Variants in RABGGTB observed in about 807,000 individuals in gnomAD.
RABGGTB encodes geranylgeranyl transferase type-2 subunit beta.
Under a neutral mutation model 44.5 loss-of-function variants are expected in RABGGTB, and 20 were observed. The observed-to-expected ratio is 0.45, with a 90% confidence interval of 0.32 to 0.65. The LOEUF is 0.65. Ranked by LOEUF, RABGGTB falls within the 30% of genes least tolerant of loss-of-function variation. RABGGTB has a pLI of 0.05. For missense variants in RABGGTB, 302 were observed against 398.7 expected, an observed-to-expected ratio of 0.76 and a Z score of 2.06; for synonymous variants, 128 against 136.7, an observed-to-expected ratio of 0.94 and a Z score of 0.44.
In RABGGTB at chr1:75,794,511, T is replaced by C. The variant is rs1189473770; in HGVS notation, c.857T>C (p.Val286Ala). The C allele has an allele frequency of 1.2e-6, 2 of 1,609,826 alleles. No homozygotes were observed. Among genetic ancestry groups the C allele is most frequent in the East Asian group, 4.5e-5 (2 of 44,820 alleles). ...GTATATAAATTCTTTTTTAAATAGG[T>C]GGATCCTTTTCATACCTTATTTGGA... ...GGFADRPGDM[V>A]DPFHTLFGIA... The change falls in exon 9 of 9, where the codon GTG becomes GCG. Residue 286 changes from valine (V) to alanine (A), a missense_variant and splice_region_variant. Around this residue, in one of 2 missense-constraint regions of RABGGTB, gnomAD observed 213 missense variants for 323.7 expected, o/e 0.66. Coordinates refer to ENST00000319942, the MANE Select transcript of RABGGTB (RefSeq NM_004582.4).
intron 1 of RABGGTB, 35 bp from the exon 2 acceptor site, chr1:75,787,462 T>G (rs766943423): frequency 1.3e-6 from 2 of 1,483,550 alleles, no homozygotes; most frequent in Non-Finnish European, 9.4e-7. Context: ...GTTGTAGAGG[T>G]AAACATTGAT....
At chr1:75,788,544 G>C (rs916103826) in intron 2 of RABGGTB, 2 of 153,744 alleles carry the variant, frequency 1.3e-5, no homozygotes, top group Non-Finnish European at 2.9e-5. Flanking sequence ...GCCTGCCCCA[G>C]CTTTCCAAAG....
Position 75,786,287 on chromosome 1 carries a change from T to G in RABGGTB, c.3+13T>G, listed in dbSNP as rs753589064. 5 of 1,614,146 alleles carry G rather than the reference T, an allele frequency of 3.1e-6. No homozygotes were observed. The highest frequency in any genetic ancestry group is 1.7e-5 in the Admixed American group (1 of 60,030). On this transcript the variant is annotated intron_variant, in intron 1 of 8. Transcript: ENST00000319942. ...CCTGTTAGACATGGTAAGTGTGAGT[T>G]TAGCGCTGCTGTCCGGATGGGTTGG... is the stretch of plus-strand genomic sequence containing the variant.
At chr1:75,792,426 G>C in intron 7 of RABGGTB, 120 bp downstream of exon 7, 1 of 1,382,328 alleles carries the variant, frequency 7.2e-7, no homozygotes, top group Non-Finnish European at 9.8e-7. Context: ...TTTCCCTGTT[G>C]TGAATTTTCA....
In RABGGTB at chr1:75,786,281, G is replaced by T; in HGVS notation, c.3+7G>T. 2 of 1,614,250 alleles carry T rather than the reference G, an allele frequency of 1.2e-6. No individual in the cohort carries two copies. Among genetic ancestry groups the T allele is most frequent in the Non-Finnish European group, 1.7e-6 (2 of 1,180,040 alleles). ...CCTTTCCCTGTTAGACATGGTAAGTGTGAGTTTAGCGCTGCTGTCCGGATG... is the reference window on the plus strand; with the variant it reads ...CCTTTCCCTGTTAGACATGGTAAGTTTGAGTTTAGCGCTGCTGTCCGGATG... On this transcript the variant is annotated splice_region_variant and intron_variant, in intron 1 of 8. Coordinates refer to ENST00000319942, the MANE Select transcript of RABGGTB (RefSeq NM_004582.4).
chr1:75,787,632 GTTTAT>G (rs1649531804), intron 2 of RABGGTB, 28 bp downstream of exon 2: 1 of 1,552,770 alleles, frequency 6.4e-7, no homozygotes, highest in Admixed American at 1.7e-5. Context: ...ATGTTGGAAA[GTTTAT>G]TTTAAAGAAG....
intron 4 of RABGGTB, among the ~76,000 whole-genome samples, chr1:75,790,993 T>G (rs1018439985): frequency 6.6e-6 from 1 of 152,196 alleles, no homozygotes; most frequent in Admixed American, 6.5e-5. Flanking sequence ...TCCCATTATG[T>G]TGCCTCGGCT....
intron 2 of RABGGTB, chr1:75,788,097 A>T (rs1312679913): frequency 8.6e-6 from 3 of 348,602 alleles, no homozygotes; most frequent in Non-Finnish European, 1.7e-5. Flanking sequence ...CAGTTGTCTT[A>T]GTCTACCGAT....
chr1:75,793,213 C>T (rs944658042), intron 7 of RABGGTB, among the ~76,000 whole-genome samples: 1 of 152,126 alleles, frequency 6.6e-6, no homozygotes, highest in Non-Finnish European at 1.5e-5. Context: ...CTGAATGGGA[C>T]GTGGTGGTAC....
chr1:75,794,579 G>A lies in RABGGTB; in HGVS notation c.925G>A (p.Val309Ile), dbSNP rs1649723509. ...TTTGGGAGAAGAACAGATTAAACCT[G>A]TTAATCCTGTCTTTTGCATGCCTGA... ...SLLGEEQIKP[V>I]NPVFCMPEEV... Residue 309 changes from valine (V) to isoleucine (I), a missense_variant, in exon 9 of 9, where the codon GTT becomes ATT. Transcript: ENST00000319942. The A allele has an allele frequency of 6.2e-7, 1 of 1,612,928 alleles. No individual in the cohort carries two copies. Among genetic ancestry groups the A allele is most frequent in the Non-Finnish European group, 8.5e-7 (1 of 1,179,308 alleles).
intron 2 of RABGGTB, 133 bp downstream of exon 2, chr1:75,787,737 A>G (rs1649535124): frequency 2.7e-6 from 2 of 741,362 alleles, no homozygotes; most frequent in Non-Finnish European, 4.6e-6. Flanking sequence ...GTGCCTTTGA[A>G]CTTCAGTTAA....
intron 1 of RABGGTB, chr1:75,787,239 G>T: frequency 1.6e-6 from 1 of 633,850 alleles, no homozygotes; most frequent in South Asian, 1.6e-5. Context: ...TTGTTGTTTT[G>T]GTTTTGTTTT....
intron 4 of RABGGTB, 45 bp from the exon 5 acceptor site, chr1:75,791,240 A>G (rs1649637783): frequency 6.7e-7 from 1 of 1,503,354 alleles, no homozygotes; most frequent in Non-Finnish European, 9.3e-7. Context: ...TGACTCATGT[A>G]TGATTTGGTA....
chr1:75,794,260 A>G (rs1649717037), intron 8 of RABGGTB, 27 bp downstream of exon 8: 1 of 1,576,640 alleles, frequency 6.3e-7, no homozygotes, highest in Non-Finnish European at 8.6e-7. Flanking sequence ...ACATATTTCT[A>G]TAAATTATTT....
intron 2 of RABGGTB, chr1:75,788,362 G>A (rs1057265365): frequency 6.4e-6 from 1 of 156,800 alleles, no homozygotes; most frequent in African/African-American, 2.4e-5. Context: ...GGAGGACAGC[G>A]GTGCGATCTG....
intron 3 of RABGGTB, 118 bp downstream of exon 3, chr1:75,789,474 C>A (rs1183672976): frequency 5.9e-6 from 6 of 1,020,288 alleles, no homozygotes; most frequent in Non-Finnish European, 9.3e-6. Context: ...AGCTGTCCTA[C>A]AAGGTCAATG....
In RABGGTB at chr1:75,794,670, G is replaced by T. The variant is rs1163741515; in HGVS notation, c.*20G>T. ...AGCTAGATTCATTGAATTGAAAGTTGCATAGTATAGTTTTGCCATTTTAAC... is the reference window on the plus strand; with the variant it reads ...AGCTAGATTCATTGAATTGAAAGTTTCATAGTATAGTTTTGCCATTTTAAC... On this transcript the variant is annotated 3_prime_UTR_variant, in exon 9 of 9. Coordinates refer to ENST00000319942, the MANE Select transcript of RABGGTB (RefSeq NM_004582.4). 6.4e-7 allele frequency: 1 copy of T among 1,566,396 alleles called. No individual in the cohort carries two copies. Among genetic ancestry groups the T allele is most frequent in the South Asian group, 1.2e-5 (1 of 81,820 alleles).
chr1:75,794,348 T>TC (rs761067394), intron 8 of RABGGTB, 115 bp downstream of exon 8: 14 of 1,374,984 alleles, frequency 1.0e-5, no homozygotes, highest in Non-Finnish European at 1.4e-5. Context: ...AGTTTTTTTT[T>TC]CTATTTATTG....
chr1:75,792,051 GT>G (rs983593904), intron 6 of RABGGTB, 129 bp from the exon 7 acceptor site: 1 of 775,894 alleles, frequency 1.3e-6, no homozygotes, highest in Non-Finnish European at 2.0e-6. Context: ...ATTAATACAT[GT>G]TTGGAATTTT....
Sources: gnomAD v4.1 joint callset for allele counts (sites outside exome capture counted in the v4.1 genomes callset) on GRCh38, gnomAD v4.1.1 for gene constraint, gnomAD v4.1.1 regional missense constraint, MANE v1.5 for transcripts, NCBI Gene and HGNC (gene_info 2026-07-23, HGNC 2026-07-21) for gene names.